Variants in POFUT3 observed in about 807,000 individuals in gnomAD.
POFUT3 encodes the protein protein O-fucosyltransferase 3, also known as GDP-fucose protein O-fucosyltransferase 3.
chr8:33,378,337 G>C, the POFUT3 span, among the ~76,000 whole-genome samples: 1 of 152,186 alleles, frequency 6.6e-6, no homozygotes, highest in Non-Finnish European at 1.5e-5. Flanking sequence ...GGGAGAGGGA[G>C]AAGCAAAACT....
the POFUT3 span, among the ~76,000 whole-genome samples, chr8:33,448,399 G>A: frequency 6.6e-6 from 1 of 152,108 alleles, no homozygotes; most frequent in Non-Finnish European, 1.5e-5. Flanking sequence ...TCATGCCACT[G>A]CATTCCAGCC....
the POFUT3 span, among the ~76,000 whole-genome samples, chr8:33,462,156 G>GAGA: frequency 2.9e-5 from 1 of 34,862 alleles, no homozygotes; most frequent in Non-Finnish European, 6.8e-5. Context: ...AGGAAGGGGA[G>GAGA]GGAAGGGGAA....
chr8:33,399,661 T>TA, the POFUT3 span, among the ~76,000 whole-genome samples: 35,952 of 151,166 alleles, frequency 0.24, 4,577 homozygotes, highest in South Asian at 0.46. Flanking sequence ...TTTATTTATT[T>TA]GTTTTTTTTT....
At chr8:33,415,053 G>T in the POFUT3 span, among the ~76,000 whole-genome samples, 2 of 151,726 alleles carry the variant, frequency 1.3e-5, no homozygotes, top group African/African-American at 4.8e-5. Context: ...CCTGAGTCCA[G>T]GAGTTCGAGA....
the POFUT3 span, among the ~76,000 whole-genome samples, chr8:33,407,974 CGA>C: frequency 2.1e-4 from 26 of 123,244 alleles, no homozygotes; most frequent in South Asian, 2.4e-3. Flanking sequence ...GGCAACAGAG[CGA>C]GACTCCATCT....
chr8:33,336,327 T>C, the POFUT3 span, among the ~76,000 whole-genome samples: 3 of 152,154 alleles, frequency 2.0e-5, no homozygotes, highest in African/African-American at 7.2e-5. Context: ...CCACCATATA[T>C]ATGAAACAGA....
the POFUT3 span, among the ~76,000 whole-genome samples, chr8:33,417,103 C>T: frequency 6.6e-6 from 1 of 152,304 alleles, no homozygotes; most frequent in East Asian, 1.9e-4. Flanking sequence ...GCTCCGCCTC[C>T]TGTCAGATCA....
chr8:33,461,269 G>A, the POFUT3 span: 1 of 1,296,878 alleles, frequency 7.7e-7, no homozygotes, highest in African/African-American at 1.5e-5. Context: ...GAACACCCCT[G>A]ATTCAGCAAA....
At chr8:33,362,304 C>A in the POFUT3 span, among the ~76,000 whole-genome samples, 2 of 151,430 alleles carry the variant, frequency 1.3e-5, no homozygotes, top group African/African-American at 2.4e-5. Context: ...GTACAAGCCA[C>A]GGGAAAAAAA....
the POFUT3 span, among the ~76,000 whole-genome samples, chr8:33,463,870 A>T: frequency 2.7e-5 from 4 of 150,710 alleles, no homozygotes; most frequent in Non-Finnish European, 5.9e-5. Context: ...AAATCCAGGA[A>T]TTTTTTTTTT....
chr8:33,370,953 T>C, the POFUT3 span: 1 of 152,208 alleles, frequency 6.6e-6, no homozygotes, highest in Non-Finnish European at 1.5e-5. Context: ...CCATTAAGTA[T>C]GCTCCTTCCT....
chr8:33,312,563 G>A, the POFUT3 span, among the ~76,000 whole-genome samples: 14 of 152,000 alleles, frequency 9.2e-5, no homozygotes, highest in Admixed American at 2.0e-4. Flanking sequence ...TATATTCCAA[G>A]TAAAGTTTTT....
chr8:33,312,731 A>AGCCAT, the POFUT3 span, among the ~76,000 whole-genome samples: 24 of 152,070 alleles, frequency 1.6e-4, no homozygotes, highest in African/African-American at 5.3e-4. Context: ...AATAGCTCAG[A>AGCCAT]GCCATACCTT....
the POFUT3 span, among the ~76,000 whole-genome samples, chr8:33,417,592 C>A: frequency 6.6e-6 from 1 of 151,952 alleles, no homozygotes; most frequent in Non-Finnish European, 1.5e-5. Flanking sequence ...TAAAATAAAT[C>A]CTTAGGATAT....
chr8:33,456,504 C>T, the POFUT3 span, among the ~76,000 whole-genome samples: 2 of 151,656 alleles, frequency 1.3e-5, no homozygotes, highest in Non-Finnish European at 2.9e-5. Flanking sequence ...ATTACAAACG[C>T]AGGCCACCAC....
chr8:33,440,607 G>T, the POFUT3 span, among the ~76,000 whole-genome samples: 1 of 152,096 alleles, frequency 6.6e-6, no homozygotes, highest in South Asian at 2.1e-4. Flanking sequence ...AACTATTACA[G>T]CATATGATTT....
chr8:33,464,471 G>A, the POFUT3 span, among the ~76,000 whole-genome samples: 1 of 152,134 alleles, frequency 6.6e-6, no homozygotes, highest in Non-Finnish European at 1.5e-5. Context: ...CGAGTATTAC[G>A]ATCTGAAGTG....
At chr8:33,320,028 T>G in the POFUT3 span, among the ~76,000 whole-genome samples, 2 of 151,610 alleles carry the variant, frequency 1.3e-5, no homozygotes, top group African/African-American at 4.8e-5. Flanking sequence ...GCTTATAGCT[T>G]TGTGTTTTCC....
chr8:33,422,047 C>CA, the POFUT3 span, among the ~76,000 whole-genome samples: 652 of 146,010 alleles, frequency 4.5e-3, 6 homozygotes, highest in East Asian at 0.03. Context: ...AAAACAAAAA[C>CA]AAAAAAAAAC....
Sources: gnomAD v4.1 joint callset for allele counts (sites outside exome capture counted in the v4.1 genomes callset) on GRCh38, gnomAD v4.1.1 for gene constraint, MANE v1.5 for transcripts, NCBI Gene and HGNC (gene_info 2026-07-23, HGNC 2026-07-21) for gene names.